Variants in PHPT1 observed in about 807,000 individuals in gnomAD.
PHPT1 encodes the protein 14 kDa phosphohistidine phosphatase.
Under a neutral mutation model 15.6 loss-of-function variants are expected in PHPT1, and 16 were observed. The ratio of observed to expected loss-of-function variants is 1.03; its 90% CI spans 0.70 to 1.56. The LOEUF (loss-of-function observed/expected upper bound fraction) is 1.56, where lower values mean the gene tolerates loss of function less well. PHPT1 is among the 40% of genes most tolerant of loss of function. The pLI is 0.00. For synonymous variants in PHPT1, 102 were observed against 68.1 expected, an observed-to-expected ratio of 1.50 and a Z score of -2.45; for missense variants, 228 against 171.0, an observed-to-expected ratio of 1.33 and a Z score of -1.86.
In PHPT1 at chr9:136,849,520, TC is replaced by T; in HGVS notation, c.94del (p.Arg32AlafsTer132). ...KYVLIRVHSA[P>X]RSGAPAAESK... ...ATGTGCTGATCCGAGTCCACTCGGC[TC>T]CCCGCTCCGGGGCTCCGGCTGCAGA... On this transcript the variant is annotated frameshift_variant, in exon 1 of 3. Coordinates refer to ENST00000247665, the MANE Select transcript of PHPT1 (RefSeq NM_014172.6). LOFTEE classifies it high-confidence loss of function. 6.2e-7 allele frequency: 1 copy of T among 1,611,226 alleles called. No homozygotes were observed. The highest frequency in any genetic ancestry group is 8.5e-7 in the Non-Finnish European group (1 of 1,179,440).
chr9:136,849,557 A>G lies in PHPT1; in HGVS notation c.127A>G (p.Ile43Val), dbSNP rs867203083. The G allele has an allele frequency of 3.1e-6, 5 of 1,605,228 alleles. No individual in the cohort carries two copies. The highest frequency in any genetic ancestry group is 3.4e-6 in the Non-Finnish European group (4 of 1,177,128). Residue 43 changes from isoleucine (I) to valine (V), a missense_variant, in exon 1 of 3, where the codon ATC becomes GTC. By Grantham distance (29) the Ile-to-Val change is conservative (BLOSUM62 3). Transcript: ENST00000247665. ...SGAPAAESKE[I>V]VRGYKWAEYH... is the part of the protein sequence containing the mutation. ...GGCTCCGGCTGCAGAGAGCAAGGAG[A>G]TCGTGCGCGGCTACAAGTGGGCTGA...
rs1848851589 is a variant in PHPT1, at chr9:136,849,602, A to G, written c.160+12A>G. ...GGCTGAGTACCATGGTGAGGGCGGG[A>G]CCTGCGGGCATGCCAGGGGCACGCC... On this transcript the variant is annotated intron_variant, in intron 1 of 2. Transcript: ENST00000247665. 1.4e-6 allele frequency: 2 copies of G among 1,445,652 alleles called. No homozygotes were observed. Among genetic ancestry groups the G allele is most frequent in the South Asian group, 1.2e-5 (1 of 82,932 alleles). 89.6% of individuals were successfully genotyped at this position (1,445,652 alleles called of 1,614,324 possible). A position where few individuals can be genotyped will look rare whatever the true frequency, so the allele number is the denominator to read the frequency against.
intron 1 of PHPT1, 62 bp downstream of exon 1, chr9:136,849,652 G>A (rs1360059578): frequency 1.5e-6 from 2 of 1,295,808 alleles, no homozygotes; most frequent in Non-Finnish European, 2.1e-6. Flanking sequence ...CGGGGCTGGC[G>A]GGACGGAGAC....
At chr9:136,850,519 G>T (rs374170609) in intron 2 of PHPT1, 10 of 1,612,046 alleles carry the variant, frequency 6.2e-6, no homozygotes, top group African/African-American at 2.7e-5. Flanking sequence ...AGACCCACGT[G>T]CGTCCCTCTG....
chr9:136,849,677 A>G (rs1353614257), intron 1 of PHPT1, 87 bp downstream of exon 1: 6 of 28,430 alleles, frequency 2.1e-4, no homozygotes, highest in South Asian at 8.8e-4. Flanking sequence ...CTGACGAGGC[A>G]GGGGCGGGGC....
intron 1 of PHPT1, 68 bp from the exon 2 acceptor site, chr9:136,849,945 G>T: frequency 1.3e-6 from 2 of 1,529,040 alleles, no homozygotes; most frequent in Non-Finnish European, 1.8e-6. Flanking sequence ...GACCCCTTCG[G>T]CTGGGAGTTC....
rs768937037 is a variant in PHPT1, at chr9:136,850,152, C to T, written c.285+15C>T. ...GCTATTCCATGGTGAGCCGCAGCCC[C>T]GTCCCGCCCTGCCGGAGGCCCCAGT... On this transcript the variant is annotated intron_variant, in intron 2 of 2. Transcript: ENST00000247665. 52 of 1,612,750 alleles carry T rather than the reference C, an allele frequency of 3.2e-5. 1 individual carries two copies. Among genetic ancestry groups the T allele is most frequent in the South Asian group, 2.5e-4 (23 of 91,088 alleles).
At position 136,849,412 on chromosome 9, in the gene PHPT1, G is replaced by T; in HGVS notation, c.-19G>T. On this transcript the variant is annotated 5_prime_UTR_variant, in exon 1 of 3. Transcript: ENST00000247665. ...GGCCCCCGGGTCGGGTGGGAGGAGG[G>T]GACTCCGGGAGGAGGAACATGGCGG... The T allele has an allele frequency of 6.3e-7, 1 of 1,585,552 alleles. No individual in the cohort carries two copies. Among genetic ancestry groups the T allele is most frequent in the South Asian group, 1.1e-5 (1 of 88,058 alleles).
rs1310327638 is a variant in PHPT1 at position 136,850,989 on chromosome 9, C to T, written c.*142C>T. The T allele has an allele frequency of 1.3e-6, 1 of 773,708 alleles. No individual in the cohort carries two copies. The highest frequency in any genetic ancestry group is 1.4e-5 in the South Asian group (1 of 74,000). 47.9% of individuals were successfully genotyped at this position (773,708 alleles called of 1,614,324 possible). ...CTGTCCACCAGGCCTTGGAGACAGGCTAGCCTGGCCACAGAATTAAACGTG... is the reference window on the plus strand; with the variant it reads ...CTGTCCACCAGGCCTTGGAGACAGGTTAGCCTGGCCACAGAATTAAACGTG... On this transcript the variant is annotated 3_prime_UTR_variant, in exon 3 of 3. Transcript: ENST00000247665.
chr9:136,850,466 C>G (rs375039048), intron 2 of PHPT1: 9 of 1,577,374 alleles, frequency 5.7e-6, no homozygotes, highest in Non-Finnish European at 7.8e-6. Flanking sequence ...GGGTGGAGCT[C>G]AGAGTCCCCA....
chr9:136,850,961 G>A lies in PHPT1; in HGVS notation c.*114G>A, dbSNP rs369717212. Reference sequence around the variant, plus strand: ...TGCTCCTGCGGCAGCCTCTGGTGACGTGCTGTCCACCAGGCCTTGGAGACA... The same window carrying A: ...TGCTCCTGCGGCAGCCTCTGGTGACATGCTGTCCACCAGGCCTTGGAGACA... On this transcript the variant is annotated 3_prime_UTR_variant, in exon 3 of 3. Transcript: ENST00000247665. The A allele has an allele frequency of 2.7e-4, 225 of 829,364 alleles. No individual in the cohort carries two copies. Among genetic ancestry groups the A allele is most frequent in the African/African-American group, 4.3e-4 (26 of 60,242 alleles). The allele number at this position is 829,364 out of a possible 1,614,324, so 51.4% of individuals were successfully genotyped here.
At position 136,850,894 on chromosome 9, in the gene PHPT1, C is replaced by T. The variant is rs1848902355; in HGVS notation, c.*47C>T. 9 of 1,428,696 alleles carry T rather than the reference C, an allele frequency of 6.3e-6. No homozygotes were observed. The East Asian group carries it at 1.6e-4, about 25-fold the overall frequency. The allele number at this position is 1,428,696 out of a possible 1,614,324, so 88.5% of individuals were successfully genotyped here. ...CTGCCTCCAGCAGCCACTTCAGAGC[C>T]CCCGCCTTTGCCTGCACTCCTCTTG... On this transcript the variant is annotated 3_prime_UTR_variant, in exon 3 of 3. Coordinates refer to ENST00000247665, the MANE Select transcript of PHPT1 (RefSeq NM_014172.6).
At position 136,849,416 on chromosome 9, in the gene PHPT1, T is replaced by C. The variant is rs2131223105; in HGVS notation, c.-15T>C. The stretch of plus-strand genomic sequence containing the variant: ...CCCGGGTCGGGTGGGAGGAGGGGAC[T>C]CCGGGAGGAGGAACATGGCGGTGGC... On this transcript the variant is annotated 5_prime_UTR_variant, in exon 1 of 3. Coordinates refer to ENST00000247665, the MANE Select transcript of PHPT1 (RefSeq NM_014172.6). 6.3e-7 allele frequency: 1 copy of C among 1,586,902 alleles called. No homozygotes were observed. The highest frequency in any genetic ancestry group is 2.4e-5 in the East Asian group (1 of 42,378).
chr9:136,850,390 G>A (rs1848881371), intron 2 of PHPT1: 1 of 981,972 alleles, frequency 1.0e-6, no homozygotes, highest in Non-Finnish European at 1.5e-6. Flanking sequence ...GCCTTGGGAG[G>A]CCTTGCTGGG....
At chr9:136,850,732 A>G in intron 2 of PHPT1, 23 bp from the exon 3 acceptor site, 3 of 1,597,022 alleles carry the variant, frequency 1.9e-6, no homozygotes, top group East Asian at 4.5e-5. Context: ...AGGTAGTGCC[A>G]GCAGGCGTCT....
chr9:136,849,852 C>T lies in PHPT1; in HGVS notation c.161-161C>T, dbSNP rs1272713742. 3 of 829,214 alleles carry T rather than the reference C, an allele frequency of 3.6e-6. No homozygotes were observed. In the African/African-American group the frequency reaches 5.1e-5, roughly 14 times the overall value. The allele number at this position is 829,214 out of a possible 1,614,324, so 51.4% of individuals were successfully genotyped here. On this transcript the variant is annotated intron_variant, in intron 1 of 2. Transcript: ENST00000247665. ...GTTCCCGCGCCCTCCCCGGTTCCAC[C>T]CTCCTTCGCTCATTCATCCCTGTCC...
chr9:136,850,250 T>G (rs1237777277), intron 2 of PHPT1, 113 bp downstream of exon 2: 1 of 1,430,132 alleles, frequency 7.0e-7, no homozygotes, highest in Non-Finnish European at 9.7e-7. Flanking sequence ...CTTCCTGGGG[T>G]TCTCCCAGGG....
At chr9:136,850,333 G>C (rs1334461450) in intron 2 of PHPT1, 196 bp downstream of exon 2, 1 of 842,494 alleles carries the variant, frequency 1.2e-6, no homozygotes, top group Non-Finnish European at 1.9e-6. Flanking sequence ...CCAGACCTGA[G>C]GGGTGGGACG....
At chr9:136,849,797 C>T (rs1448893126) in intron 1 of PHPT1, 9 of 698,866 alleles carry the variant, frequency 1.3e-5, no homozygotes, top group Non-Finnish European at 2.1e-5. Flanking sequence ...GGGCGTGACA[C>T]GGCCTGACAC....
Sources: allele counts gnomAD v4.1 joint callset, GRCh38; gene constraint gnomAD v4.1.1; transcripts MANE v1.5; gene names NCBI Gene and HGNC (gene_info 2026-07-23, HGNC 2026-07-21).